IQSEC3: variants seen among roughly 807,000 people sequenced by gnomAD.
IQSEC3 encodes IQ motif and Sec7 domain ArfGEF 3.
In IQSEC3, 50 loss-of-function variants were observed where a neutral mutation model predicts 105.4. The observed-to-expected ratio is 0.47, with a 90% CI of 0.38 to 0.60. The LOEUF (loss-of-function observed/expected upper bound fraction) is 0.60. Ranked by LOEUF, IQSEC3 falls within the 20% of genes least tolerant of loss-of-function variation. The pLI, the probability that IQSEC3 is intolerant of heterozygous loss-of-function variation, is 0.00. For missense variants in IQSEC3, 1,415 were observed against 1,630.0 expected, an observed-to-expected ratio of 0.87 and a Z score of 2.27; for synonymous variants, 708 against 746.0, an observed-to-expected ratio of 0.95 and a Z score of 0.83.
intron 2 of IQSEC3, among the ~76,000 whole-genome samples, chr12:115,387 G>T (rs1555080431): frequency 6.6e-6 from 1 of 152,190 alleles, no homozygotes; most frequent in African/African-American, 2.4e-5. Context: ...AGAGCCAAGA[G>T]AATATGAAAC....
At chr12:107,788 G>A (rs191971533) in intron 2 of IQSEC3, among the ~76,000 whole-genome samples, 1 of 152,096 alleles carries the variant, frequency 6.6e-6, no homozygotes, top group African/African-American at 2.4e-5. Flanking sequence ...TAACAAGGGT[G>A]TAGATCCCTA....
At chr12:133,705 G>A (rs1865668362) in intron 3 of IQSEC3, among the ~76,000 whole-genome samples, 1 of 151,692 alleles carries the variant, frequency 6.6e-6, no homozygotes, top group South Asian at 2.1e-4. Flanking sequence ...GTCAGTATCT[G>A]GCATTTGCTC....
chr12:131,758 T>C (rs1454055179), intron 3 of IQSEC3, among the ~76,000 whole-genome samples: 1 of 151,346 alleles, frequency 6.6e-6, no homozygotes, highest in African/African-American at 2.4e-5. Flanking sequence ...AAGGTGGCAC[T>C]GAGCATTGAG....
At chr12:159,537 C>T (rs1250320845) in intron 7 of IQSEC3, among the ~76,000 whole-genome samples, 2 of 152,218 alleles carry the variant, frequency 1.3e-5, no homozygotes, top group African/African-American at 4.8e-5. Flanking sequence ...CAAAACACGC[C>T]AATCAGGATT....
intron 2 of IQSEC3, among the ~76,000 whole-genome samples, chr12:124,399 A>AG (rs1338554502): frequency 4.0e-5 from 6 of 151,362 alleles, no homozygotes; most frequent in Non-Finnish European, 8.8e-5. Flanking sequence ...CAAAAAAAAA[A>AG]AAAAAAGAAA....
At chr12:82,210 G>A (rs1388455040) in intron 1 of IQSEC3, among the ~76,000 whole-genome samples, 1 of 152,096 alleles carries the variant, frequency 6.6e-6, no homozygotes, top group Admixed American at 6.5e-5. Flanking sequence ...TATGATTATG[G>A]TACTCATATC....
intron 3 of IQSEC3, among the ~76,000 whole-genome samples, chr12:130,343 G>A (rs782592192): frequency 1.1e-4 from 17 of 152,290 alleles, no homozygotes; most frequent in African/African-American, 2.4e-4. Flanking sequence ...CACCATTACC[G>A]TCCCATTTCT....
chr12:160,785 T>C (rs11061683), intron 7 of IQSEC3, among the ~76,000 whole-genome samples: 26,777 of 152,220 alleles, frequency 0.18, 5,368 homozygotes, highest in African/African-American at 0.49. Context: ...ACCTCTCTGC[T>C]GGTCTGGGTT....
chr12:75,382 G>T (rs544433018), intron 1 of IQSEC3, among the ~76,000 whole-genome samples: 253 of 152,234 alleles, frequency 1.7e-3, no homozygotes, highest in African/African-American at 5.6e-3. Flanking sequence ...TAAGGAAAGG[G>T]GAGGGACACA....
At chr12:120,983 G>A (rs552249579) in intron 2 of IQSEC3, among the ~76,000 whole-genome samples, 7 of 152,230 alleles carry the variant, frequency 4.6e-5, no homozygotes, top group South Asian at 4.1e-4. Flanking sequence ...GTTTTCTCCC[G>A]GCTAGCGCAC....
intron 12 of IQSEC3, among the ~76,000 whole-genome samples, chr12:170,200 A>G (rs1555099836): frequency 6.6e-6 from 1 of 152,166 alleles, no homozygotes; most frequent in African/African-American, 2.4e-5. Flanking sequence ...CCTGATCTCC[A>G]CTGGCCTCTT....
At chr12:103,212 G>T (rs1289197377) in intron 2 of IQSEC3, among the ~76,000 whole-genome samples, 1 of 151,548 alleles carries the variant, frequency 6.6e-6, no homozygotes, top group Admixed American at 6.6e-5. Context: ...ACAATGACCC[G>T]GTAGCTGGCC....
intron 8 of IQSEC3, among the ~76,000 whole-genome samples, chr12:162,428 G>T (rs1291978286): frequency 6.6e-6 from 1 of 152,106 alleles, no homozygotes; most frequent in African/African-American, 2.4e-5. Context: ...GCAGGAAATG[G>T]GCTCAATAGG....
intron 5 of IQSEC3, among the ~76,000 whole-genome samples, chr12:150,055 T>C (rs1866443044): frequency 6.6e-6 from 1 of 152,020 alleles, no homozygotes; most frequent in Non-Finnish European, 1.5e-5. Context: ...GCTACTGCTG[T>C]TAACAGCCAT....
rs572443682 is a variant in IQSEC3, at chr12:163,586, G to C, written c.2676G>C (p.Gln892His). Residue 892 changes from glutamine (Q) to histidine (H), a missense_variant, in exon 9 of 14, where the codon CAG becomes CAC. This residue lies in a region of IQSEC3 where 419 missense variants were observed against 436.2 expected (regional missense o/e 0.96). Coordinates refer to ENST00000538872, the MANE Select transcript of IQSEC3 (RefSeq NM_001170738.2). The part of the protein sequence containing the change: ...VNKLQKQAAH[Q>H]REVFLFNDLL... ...AGCTGCAGAAGCAGGCAGCGCATCA[G>C]AGGGAGGTGTTCCTCTTCAATGACC... The C allele has an allele frequency of 6.3e-7, 1 of 1,591,114 alleles. No individual in the cohort carries two copies. Among genetic ancestry groups the C allele is most frequent in the Admixed American group, 1.7e-5 (1 of 59,986 alleles).
At chr12:73,551 T>C (rs1863408008) in intron 1 of IQSEC3, among the ~76,000 whole-genome samples, 3 of 152,116 alleles carry the variant, frequency 2.0e-5, no homozygotes, top group Admixed American at 2.0e-4. Flanking sequence ...TCCATAGTAG[T>C]CCCAGCTACT....
chr12:109,393 GC>G (rs1287628111), intron 2 of IQSEC3, among the ~76,000 whole-genome samples: 69 of 152,168 alleles, frequency 4.5e-4, no homozygotes, highest in Non-Finnish European at 6.9e-4. Flanking sequence ...TCCTTATGTA[GC>G]CCCCCGGCCT....
At chr12:101,739 C>T (rs1864428891) in intron 2 of IQSEC3, among the ~76,000 whole-genome samples, 1 of 152,196 alleles carries the variant, frequency 6.6e-6, no homozygotes. Flanking sequence ...GCTTTCCTGG[C>T]TTCTCCGAGA....
intron 2 of IQSEC3, among the ~76,000 whole-genome samples, chr12:110,884 A>AAG (rs1555079373): frequency 1.3e-5 from 2 of 152,172 alleles, no homozygotes; most frequent in East Asian, 1.9e-4. Context: ...CCTGTTAGAC[A>AAG]TCTGCTGTTT....
Sources: allele counts gnomAD v4.1 joint callset (sites outside exome capture counted in the v4.1 genomes callset), GRCh38; gene constraint gnomAD v4.1.1; regional missense constraint gnomAD v4.1.1; transcripts MANE v1.5; gene names NCBI Gene and HGNC (gene_info 2026-07-23, HGNC 2026-07-21).